Variants in SYNE2 observed in about 807,000 individuals in gnomAD.
The protein encoded by SYNE2 is nesprin-2.
Under a neutral mutation model 856.3 loss-of-function variants are expected in SYNE2, and 431 were observed. That is an observed-to-expected ratio of 0.50 (90% CI 0.47 to 0.55). SYNE2 has a LOEUF of 0.55. Ranked by LOEUF, SYNE2 falls within the 20% of genes least tolerant of loss-of-function variation. The probability of loss-of-function intolerance (pLI) is 0.00; values close to 1 mark genes in which losing one functional copy is unlikely to be tolerated. For missense variants in SYNE2, 8,129 were observed against 8,023.2 expected, an observed-to-expected ratio of 1.01 and a Z score of -0.50; for synonymous variants, 2,923 against 2,872.3, an observed-to-expected ratio of 1.02 and a Z score of -0.56.
chr14:64,087,092 G>T (rs1457480967), intron 57 of SYNE2, among the ~76,000 whole-genome samples: 3 of 4,364 alleles, frequency 6.9e-4, no homozygotes, highest in Admixed American at 2.3e-3. Flanking sequence ...GTGATAATTG[G>T]TAAAAAAAAA....
chr14:64,001,212 G>A (rs779943953), intron 28 of SYNE2, among the ~76,000 whole-genome samples: 8 of 151,872 alleles, frequency 5.3e-5, no homozygotes, highest in Non-Finnish European at 1.0e-4. Context: ...CCTATTCTTT[G>A]GACCCCATTA....
intron 6 of SYNE2, 50 bp downstream of exon 6, chr14:63,942,193 A>T (rs1566862637): frequency 9.1e-7 from 1 of 1,093,706 alleles, no homozygotes; most frequent in Non-Finnish European, 1.4e-6. Context: ...CACAGTATAA[A>T]ATAAATGTAA....
chr14:64,219,950 C>T (rs1038806898), intron 110 of SYNE2, among the ~76,000 whole-genome samples: 3 of 152,182 alleles, frequency 2.0e-5, no homozygotes, highest in Non-Finnish European at 4.4e-5. Context: ...TTGAGCCCTG[C>T]GCTTTAAGGG....
chr14:64,108,166 G>A (rs1435413305), intron 65 of SYNE2, among the ~76,000 whole-genome samples: 1 of 152,098 alleles, frequency 6.6e-6, no homozygotes, highest in African/African-American at 2.4e-5. Context: ...CTGACCAACA[G>A]GCTGGTGAAA....
Position 64,218,485 on chromosome 14 carries a change from C to T in SYNE2, c.19630C>T (p.Leu6544=). The change falls in exon 109 of 116, where the codon CTG becomes TTG. Residue 6544 remains leucine, a synonymous_variant. Coordinates refer to ENST00000555002, the MANE Select transcript of SYNE2 (RefSeq NM_182914.3). ...NGNPQQEDGG[L]AGITEQQSGA... ...CAACCCACAGCAGGAAGACGGGGGA[C>T]TGGCCGGTATCACAGAGCAGCAGTC... The T allele has an allele frequency of 6.2e-7, 1 of 1,614,046 alleles. No homozygotes were observed.
chr14:63,891,131 C>T (rs564461080), intron 1 of SYNE2, among the ~76,000 whole-genome samples: 1 of 152,282 alleles, frequency 6.6e-6, no homozygotes, highest in East Asian at 1.9e-4. Context: ...AAGCAAGAAG[C>T]TCAGCAATTG....
intron 33 of SYNE2, among the ~76,000 whole-genome samples, chr14:64,017,349 A>G (rs1174612305): frequency 1.3e-5 from 2 of 151,514 alleles, no homozygotes; most frequent in Non-Finnish European, 2.9e-5. Flanking sequence ...AAAAAAAAAA[A>G]AAAAGAAATT....
At chr14:63,926,982 G>A (rs897715106) in intron 2 of SYNE2, among the ~76,000 whole-genome samples, 6 of 152,230 alleles carry the variant, frequency 3.9e-5, no homozygotes, top group African/African-American at 1.4e-4. Context: ...AATGCCTGTG[G>A]CAGGTGGGAA....
rs1223613456 is a variant in SYNE2, at chr14:64,078,499, T to C, written c.11056T>C (p.Tyr3686His). 5 of 1,614,002 alleles carry C rather than the reference T, an allele frequency of 3.1e-6. No individual in the cohort carries two copies. In the African/African-American group the frequency reaches 6.7e-5, roughly 22 times the overall value. ...TGAAGTCTTAAAAAGCTCACCATCA[T>C]ATGCAATGAGGAGAAAAATAGAAGA... ...SNEVLKSSPSYAMRRKIEEIN... is the reference protein window; with the variant it reads ...SNEVLKSSPSHAMRRKIEEIN... Residue 3686 changes from tyrosine (Y) to histidine (H), a missense_variant, in exon 55 of 116, where the codon TAT becomes CAT. Coordinates refer to ENST00000555002, the MANE Select transcript of SYNE2 (RefSeq NM_182914.3).
intron 84 of SYNE2, among the ~76,000 whole-genome samples, chr14:64,151,947 ATC>A (rs1180736655): frequency 5.9e-5 from 9 of 152,276 alleles, no homozygotes; most frequent in African/African-American, 2.2e-4. Context: ...GGCCTCATTC[ATC>A]TCTGTTTTCA....
chr14:64,034,174 C>T (rs747246365), intron 45 of SYNE2, among the ~76,000 whole-genome samples: 6 of 151,972 alleles, frequency 3.9e-5, no homozygotes, highest in Non-Finnish European at 8.8e-5. Context: ...ATAATGAATA[C>T]GTAGGACACA....
intron 1 of SYNE2, among the ~76,000 whole-genome samples, chr14:63,870,214 CAA>C (rs1566663294): frequency 6.6e-6 from 1 of 152,166 alleles, no homozygotes; most frequent in Non-Finnish European, 1.5e-5. Context: ...CTTCAGCCCA[CAA>C]TCTACTCTCC....
intron 84 of SYNE2, among the ~76,000 whole-genome samples, chr14:64,150,071 T>C (rs1303208775): frequency 5.0e-5 from 7 of 139,930 alleles, no homozygotes; most frequent in Admixed American, 3.0e-4. Flanking sequence ...GAGTGCAGTG[T>C]TGCAATCATA....
intron 1 of SYNE2, among the ~76,000 whole-genome samples, chr14:63,887,808 A>T (rs34294645): frequency 0.061 from 8,230 of 134,484 alleles, 254 homozygotes; most frequent in Middle Eastern, 0.14. Flanking sequence ...GCTGGAGTGC[A>T]TTGGTGCCAT....
At chr14:63,768,450 T>A (rs1436953761) in intron 1 of SYNE2, among the ~76,000 whole-genome samples, 3 of 152,194 alleles carry the variant, frequency 2.0e-5, no homozygotes, top group African/African-American at 7.2e-5. Flanking sequence ...TGCTAGACTA[T>A]AAACTCTTAA....
At chr14:64,167,106 G>A in intron 90 of SYNE2, 127 bp from the exon 91 acceptor site, 1 of 1,173,888 alleles carries the variant, frequency 8.5e-7, no homozygotes, top group Non-Finnish European at 1.2e-6. Context: ...CAAGCTGTTT[G>A]ACTGTGGGCA....
intron 7 of SYNE2, among the ~76,000 whole-genome samples, chr14:63,950,398 A>G (rs553758477): frequency 3.3e-5 from 5 of 152,212 alleles, no homozygotes; most frequent in Admixed American, 1.3e-4. Flanking sequence ...TATGAAAAAT[A>G]CAAAAAATTA....
intron 45 of SYNE2, among the ~76,000 whole-genome samples, chr14:64,047,362 A>G (rs1054910167): frequency 1.3e-5 from 2 of 152,242 alleles, no homozygotes; most frequent in African/African-American, 4.8e-5. Flanking sequence ...ATAACAGTGT[A>G]GAAAACCAAT....
intron 66 of SYNE2, among the ~76,000 whole-genome samples, chr14:64,115,429 TTATGTGTC>T (rs2097846632): frequency 1.3e-5 from 2 of 151,954 alleles, no homozygotes. Flanking sequence ...GAGAGGGAAC[TTATGTGTC>T]TAGCGATGTC....
Sources: allele counts gnomAD v4.1 joint callset (sites outside exome capture counted in the v4.1 genomes callset), GRCh38; gene constraint gnomAD v4.1.1; transcripts MANE v1.5; gene names NCBI Gene and HGNC (gene_info 2026-07-23, HGNC 2026-07-21).